The following SKA3 variants were observed in gnomAD, a reference collection of about 807,000 sequenced individuals.
SKA3 encodes the protein spindle and kinetochore associated complex subunit 3, also known as spindle and kinetochore-associated protein 3.
A neutral mutation model predicts 44.2 loss-of-function variants in SKA3; 39 were observed. The observed-to-expected ratio is 0.88, with a 90% confidence interval of 0.68 to 1.15. The LOEUF is 1.15. Among genes scored for constraint, SKA3 ranks in the 50% most tolerant of loss-of-function variants. The probability of loss-of-function intolerance (pLI) is 0.00; values close to 1 mark genes in which losing one functional copy is unlikely to be tolerated. For synonymous variants in SKA3, 192 were observed against 172.0 expected (o/e 1.12, Z -0.91); for missense variants, 511 against 485.8 (o/e 1.05, Z -0.49).
intron 1 of SKA3, among the ~76,000 whole-genome samples, chr13:21,175,621 A>C: frequency 6.6e-6 from 1 of 152,356 alleles, no homozygotes; most frequent in East Asian, 1.9e-4. Flanking sequence ...TTATATAATT[A>C]AAGTAAAAGT....
At chr13:21,170,352 G>A (rs1031247783) in intron 3 of SKA3, among the ~76,000 whole-genome samples, 8 of 151,762 alleles carry the variant, frequency 5.3e-5, no homozygotes, top group Non-Finnish European at 1.0e-4. Flanking sequence ...GCTAATTTTC[G>A]TATTTTTAGT....
Position 21,176,508 on chromosome 13 carries a change from T to G in SKA3, c.-31A>C. 6.9e-7 allele frequency: 1 copy of G among 1,440,186 alleles called. No individual in the cohort carries two copies. The highest frequency in any genetic ancestry group is 9.2e-7 in the Non-Finnish European group (1 of 1,081,992). The allele number at this position is 1,440,186 out of a possible 1,614,324, so 89.2% of individuals were successfully genotyped here. Reference sequence around the variant, plus strand: ...GCACAGCGGGGAAGGACTCCAGGCGTACGCAGACCCCACCGCTCAGCTCAC... The same window carrying G: ...GCACAGCGGGGAAGGACTCCAGGCGGACGCAGACCCCACCGCTCAGCTCAC... On this transcript the variant is annotated 5_prime_UTR_variant, in exon 1 of 9. Transcript: ENST00000314759.
intron 1 of SKA3, 103 bp downstream of exon 1, chr13:21,176,272 C>G: frequency 1.1e-6 from 1 of 898,920 alleles, no homozygotes; most frequent in Non-Finnish European, 1.5e-6. Context: ...CCGTCCACGC[C>G]GTCAGTGCCT....
rs781356138 is a variant in SKA3, at chr13:21,168,405, A to C, written c.332-6T>G. 1 of 1,176,552 alleles carries C rather than the reference A, an allele frequency of 8.5e-7. No individual in the cohort carries two copies. The highest frequency in any genetic ancestry group is 1.1e-6 in the Non-Finnish European group (1 of 890,198). 72.9% of individuals were successfully genotyped at this position (1,176,552 alleles called of 1,614,324 possible). A position where few individuals can be genotyped will look rare whatever the true frequency, so the allele number is the denominator to read the frequency against. On this transcript the variant is annotated splice_polypyrimidine_tract_variant and splice_region_variant and intron_variant, in intron 3 of 8. Transcript: ENST00000314759. ...AATGGCTTCTTGCTCGTGTACTAGG[A>C]GGAAAAATCAGAATATTCTGGTCAA...
intron 6 of SKA3, among the ~76,000 whole-genome samples, chr13:21,159,605 T>C (rs1595297939): frequency 6.6e-6 from 1 of 152,236 alleles, no homozygotes; most frequent in East Asian, 1.9e-4. Flanking sequence ...TCGATATTTA[T>C]ACTGTTTCCC....
chr13:21,161,940 T>G, intron 4 of SKA3, 65 bp from the exon 5 acceptor site: 1 of 1,022,722 alleles, frequency 9.8e-7, no homozygotes, highest in Non-Finnish European at 1.3e-6. Flanking sequence ...GGGAAAAAAA[T>G]TTAACCTTAC....
In SKA3 at chr13:21,159,984, G is replaced by C. The variant is rs768033973; in HGVS notation, c.833C>G (p.Ala278Gly). 2.5e-6 allele frequency: 4 copies of C among 1,598,452 alleles called. No individual in the cohort carries two copies. The highest frequency in any genetic ancestry group is 3.4e-6 in the Non-Finnish European group (4 of 1,174,094). Residue 278 changes from alanine to glycine, a missense_variant, in exon 6 of 9, where the codon GCC becomes GGC. Ala to Gly is a moderately conservative substitution (Grantham distance 60). Transcript: ENST00000314759. ...TACCAAAGGAGAGTTGGTATATTCG[G>C]CATCTAAAAGACACATAAAATGGTC... is the stretch of plus-strand genomic sequence containing the variant. ...PIIQQLEKSD[A>G]EYTNSPLVPT...
In SKA3 at chr13:21,172,402, T is replaced by G. The variant is rs764534718; in HGVS notation, c.268A>C (p.Ile90Leu). The G allele has an allele frequency of 1.9e-6, 3 of 1,589,358 alleles. No homozygotes were observed. The South Asian group carries it at 3.5e-5, about 18-fold the overall frequency. Residue 90 changes from isoleucine (I) to leucine (L), a missense_variant, in exon 3 of 9, where the codon ATT (isoleucine) becomes CTT (leucine). Ile to Leu is a conservative substitution (Grantham distance 5, BLOSUM62 2). Coordinates refer to ENST00000314759, the MANE Select transcript of SKA3 (RefSeq NM_145061.6). Reference protein sequence around the residue: ...KVLMEKNSMDIMKIREYFQKY... With the variant: ...KVLMEKNSMDLMKIREYFQKY... The stretch of plus-strand genomic sequence containing the variant: ...TGGAAATACTCTCTTATTTTCATAA[T>G]ATCCATTGAATTTTTTTCCATTAGT...
In SKA3 at chr13:21,161,889, T is replaced by C. The variant is rs1164037204; in HGVS notation, c.744-14A>G. On this transcript the variant is annotated splice_polypyrimidine_tract_variant and intron_variant, in intron 4 of 8. Coordinates refer to ENST00000314759, the MANE Select transcript of SKA3 (RefSeq NM_145061.6). ...ATGGCCTCCTCACTGGTGTGATTCA[T>C]AGGGAAATTACAAGGTTAAAAAAGT... is the stretch of plus-strand genomic sequence containing the variant. 4.4e-6 allele frequency: 7 copies of C among 1,577,562 alleles called. No individual in the cohort carries two copies. The highest frequency in any genetic ancestry group is 2.7e-5 in the African/African-American group (2 of 73,962).
At chr13:21,170,834 C>T (rs1176286690) in intron 3 of SKA3, among the ~76,000 whole-genome samples, 1 of 152,194 alleles carries the variant, frequency 6.6e-6, no homozygotes, top group Non-Finnish European at 1.5e-5. Context: ...GTATTTGAAT[C>T]TGTGGCTCTT....
chr13:21,160,703 C>G (rs1462442037), intron 5 of SKA3, among the ~76,000 whole-genome samples: 1 of 152,070 alleles, frequency 6.6e-6, no homozygotes, highest in Non-Finnish European at 1.5e-5. Context: ...TGTGCATGCC[C>G]TTTGACCTGG....
chr13:21,175,084 C>G (rs1471674200), intron 1 of SKA3, among the ~76,000 whole-genome samples: 1 of 151,928 alleles, frequency 6.6e-6, no homozygotes, highest in Non-Finnish European at 1.5e-5. Context: ...TCAAGCGATT[C>G]TCCCACCTCA....
chr13:21,155,190 T>G, intron 8 of SKA3, 40 bp from the exon 9 acceptor site: 2 of 1,552,702 alleles, frequency 1.3e-6, no homozygotes, highest in Non-Finnish European at 1.8e-6. Flanking sequence ...TTTAATAAAA[T>G]TAAAAGCCAT....
Position 21,157,958 on chromosome 13 carries a change from A to G in SKA3, c.1083T>C (p.Pro361=). 6.2e-7 allele frequency: 1 copy of G among 1,610,706 alleles called. No individual in the cohort carries two copies. The part of the protein sequence containing the change: ...SYENLLRTPT[P]PEVTKIPEDI... ...CTTCTGGAATTTTAGTTACTTCCGGAGGTGTAGGTGTTCTGAGCAGATTCT... is the reference window on the plus strand; with the variant it reads ...CTTCTGGAATTTTAGTTACTTCCGGGGGTGTAGGTGTTCTGAGCAGATTCT... The change falls in exon 7 of 9, where the codon CCT becomes CCC. Residue 361 remains proline (P), a synonymous_variant. Transcript: ENST00000314759.
intron 7 of SKA3, among the ~76,000 whole-genome samples, 158 bp from the exon 8 acceptor site, chr13:21,155,969 C>T (rs1204657177): frequency 6.6e-6 from 1 of 152,054 alleles, no homozygotes; most frequent in Non-Finnish European, 1.5e-5. Flanking sequence ...AGGTGGATCA[C>T]TTGAGGTCAG....
At chr13:21,158,670 T>G (rs1212131235) in intron 6 of SKA3, among the ~76,000 whole-genome samples, 1 of 152,042 alleles carries the variant, frequency 6.6e-6, no homozygotes, top group East Asian at 1.9e-4. Flanking sequence ...ATGTCATAAC[T>G]ATATAGAATG....
At chr13:21,162,173 A>AT (rs1259154704) in intron 4 of SKA3, among the ~76,000 whole-genome samples, 2 of 152,120 alleles carry the variant, frequency 1.3e-5, no homozygotes, top group Non-Finnish European at 2.9e-5. Context: ...AAAACTTGCC[A>AT]TTTTTTTAAG....
intron 5 of SKA3, among the ~76,000 whole-genome samples, chr13:21,161,578 T>C (rs781531295): frequency 5.9e-5 from 9 of 152,226 alleles, no homozygotes; most frequent in South Asian, 2.1e-4. Context: ...CTGACAGATA[T>C]TGAACATAAT....
At chr13:21,168,752 T>G (rs553407078) in intron 3 of SKA3, among the ~76,000 whole-genome samples, 1 of 151,878 alleles carries the variant, frequency 6.6e-6, no homozygotes, top group East Asian at 2.0e-4. Flanking sequence ...GGTGTCAAAC[T>G]CCTGGGCTCA....
Sources: gnomAD v4.1 joint callset for allele counts (sites outside exome capture counted in the v4.1 genomes callset) on GRCh38, gnomAD v4.1.1 for gene constraint, MANE v1.5 for transcripts, NCBI Gene and HGNC (gene_info 2026-07-23, HGNC 2026-07-21) for gene names.